Variants in SLC44A5 observed in about 807,000 individuals in gnomAD.
SLC44A5 encodes the protein choline transporter-like protein 5.
Under a neutral mutation model 101.8 loss-of-function variants are expected in SLC44A5, and 57 were observed. The ratio of observed to expected loss-of-function variants is 0.56; its 90% CI spans 0.45 to 0.70. SLC44A5 has a LOEUF of 0.70. SLC44A5 is among the 30% of genes least tolerant of loss of function. The pLI is 0.00. For synonymous variants in SLC44A5, 281 were observed against 290.9 expected (o/e 0.97, Z 0.35); for missense variants, 737 against 853.1 (o/e 0.86, Z 1.70).
At chr1:75,474,203 A>T (rs116292572) in intron 2 of SLC44A5, among the ~76,000 whole-genome samples, 1 of 152,178 alleles carries the variant, frequency 6.6e-6, no homozygotes, top group Non-Finnish European at 1.5e-5. Context: ...ACTTCTAAGA[A>T]TATTTAGATT....
chr1:75,637,757 C>A, the SLC44A5 span, among the ~76,000 whole-genome samples: 5 of 151,884 alleles, frequency 3.3e-5, no homozygotes, highest in African/African-American at 4.8e-5. Context: ...CCGGGTCAAA[C>A]TGGGGGAGTG....
At chr1:75,709,657 C>T in the SLC44A5 span, among the ~76,000 whole-genome samples, 1 of 152,166 alleles carries the variant, frequency 6.6e-6, no homozygotes, top group African/African-American at 2.4e-5. Context: ...AAAATCTCTC[C>T]TAAATCTGTA....
At chr1:75,662,146 A>C in the SLC44A5 span, among the ~76,000 whole-genome samples, 5 of 152,140 alleles carry the variant, frequency 3.3e-5, no homozygotes, top group Admixed American at 3.3e-4. Flanking sequence ...ATATATATAC[A>C]ATGGAATCAA....
chr1:75,567,095 C>T (rs1319551005), intron 1 of SLC44A5, among the ~76,000 whole-genome samples: 1 of 151,850 alleles, frequency 6.6e-6, no homozygotes, highest in East Asian at 1.9e-4. Context: ...TGATCTCTTT[C>T]AGCCTCCATA....
intron 2 of SLC44A5, among the ~76,000 whole-genome samples, chr1:75,531,700 C>A (rs942700670): frequency 6.6e-6 from 1 of 152,176 alleles, no homozygotes; most frequent in Non-Finnish European, 1.5e-5. Flanking sequence ...CTTTATCTTA[C>A]CATCCTTAGT....
chr1:75,430,273 G>C (rs987175901), intron 2 of SLC44A5, among the ~76,000 whole-genome samples: 4 of 151,994 alleles, frequency 2.6e-5, no homozygotes, highest in Admixed American at 2.6e-4. Context: ...CTCCCCTCTG[G>C]AAGATGTAGC....
At chr1:75,499,012 A>G (rs1668809474) in intron 2 of SLC44A5, among the ~76,000 whole-genome samples, 1 of 152,200 alleles carries the variant, frequency 6.6e-6, no homozygotes, top group Non-Finnish European at 1.5e-5. Context: ...TTCTATGTTT[A>G]GCTAAATGAA....
At chr1:75,350,927 G>A (rs945361084) in intron 3 of SLC44A5, among the ~76,000 whole-genome samples, 1 of 150,346 alleles carries the variant, frequency 6.7e-6, no homozygotes, top group Non-Finnish European at 1.5e-5. Context: ...AAAGAAAAAG[G>A]TTGAAACAAA....
intron 1 of SLC44A5, among the ~76,000 whole-genome samples, chr1:75,601,317 T>C (rs1051351960): frequency 7.6e-5 from 11 of 145,132 alleles, no homozygotes; most frequent in South Asian, 6.7e-4. Context: ...TAAGTGGGAG[T>C]TGATCAATGA....
At chr1:75,263,602 C>T (rs1202026597) in intron 6 of SLC44A5, among the ~76,000 whole-genome samples, 2 of 152,106 alleles carry the variant, frequency 1.3e-5, no homozygotes, top group Non-Finnish European at 2.9e-5. Context: ...ACTAGAAATA[C>T]CATTTGACCC....
In SLC44A5 at chr1:75,421,628, C is replaced by G. The variant is rs555317346; in HGVS notation, c.14-25007G>C. 3.1e-4 allele frequency among the ~76,000 whole-genome samples: 47 copies of G among 152,272 alleles called. No homozygotes were observed. In the South Asian group the frequency reaches 9.5e-3, roughly 31 times the overall value. ...AGAAATTTGCTAAGGCTTTCCTCTT[C>G]TTTCATTAAGATCACCATTTTGCAT... On this transcript the variant is annotated intron_variant, in intron 2 of 23. Coordinates refer to ENST00000370859, the MANE Select transcript of SLC44A5 (RefSeq NM_001130058.2).
At chr1:75,572,569 T>A (rs1673128231) in intron 1 of SLC44A5, among the ~76,000 whole-genome samples, 1 of 152,190 alleles carries the variant, frequency 6.6e-6, no homozygotes, top group Non-Finnish European at 1.5e-5. Context: ...GGAATATTGT[T>A]TATTGGCTTA....
the SLC44A5 span, among the ~76,000 whole-genome samples, chr1:75,616,586 G>A: frequency 3.3e-5 from 5 of 152,306 alleles, no homozygotes; most frequent in African/African-American, 1.2e-4. Context: ...CCCAGGAGCC[G>A]TCCTCCTCCA....
intron 1 of SLC44A5, among the ~76,000 whole-genome samples, chr1:75,569,870 G>A (rs930250250): frequency 6.6e-6 from 1 of 152,106 alleles, no homozygotes; most frequent in African/African-American, 2.4e-5. Context: ...TTATATGAGA[G>A]GTAATGCCAG....
chr1:75,543,062 T>C (rs1671439375), intron 1 of SLC44A5, among the ~76,000 whole-genome samples: 1 of 152,152 alleles, frequency 6.6e-6, no homozygotes, highest in Non-Finnish European at 1.5e-5. Context: ...AAGGAGGAAT[T>C]CCATGTTTAA....
In SLC44A5 at chr1:75,325,466, G is replaced by C. The variant is rs529868609; in HGVS notation, c.101+14116C>G. Among the ~76,000 whole-genome samples the C allele has an allele frequency of 2.4e-4, 37 of 152,168 alleles. No individual in the cohort carries two copies. The South Asian group carries it at 7.5e-3, about 31-fold the overall frequency. Reference sequence around the variant, plus strand: ...ATATACATATATACAGTATACAGTAGTCTTGCCTTATCCACAGTTTCGCTT... The same window carrying C: ...ATATACATATATACAGTATACAGTACTCTTGCCTTATCCACAGTTTCGCTT... On this transcript the variant is annotated intron_variant, in intron 4 of 23. Transcript: ENST00000370859.
At chr1:75,275,465 T>TA (rs1651844049) in intron 5 of SLC44A5, among the ~76,000 whole-genome samples, 1 of 152,148 alleles carries the variant, frequency 6.6e-6, no homozygotes, top group South Asian at 2.1e-4. Flanking sequence ...TGAAAACCAT[T>TA]AAAAAATTCA....
the SLC44A5 span, among the ~76,000 whole-genome samples, chr1:75,681,132 C>T: frequency 1.1e-4 from 16 of 151,908 alleles, no homozygotes; most frequent in Non-Finnish European, 1.5e-5. Flanking sequence ...AGCTTACCAA[C>T]CAAAAAGAGT....
At chr1:75,322,749 C>A (rs1017902824) in intron 4 of SLC44A5, among the ~76,000 whole-genome samples, 1 of 152,040 alleles carries the variant, frequency 6.6e-6, no homozygotes, top group Non-Finnish European at 1.5e-5. Flanking sequence ...AAACACTGCA[C>A]GGACAGATGT....
Sources: allele counts gnomAD v4.1 joint callset (sites outside exome capture counted in the v4.1 genomes callset), GRCh38; gene constraint gnomAD v4.1.1; transcripts MANE v1.5; gene names NCBI Gene and HGNC (gene_info 2026-07-23, HGNC 2026-07-21).